RPS6KA2: variants seen among roughly 807,000 people sequenced by gnomAD.
RPS6KA2 encodes ribosomal protein S6 kinase alpha-2.
Under a neutral mutation model 91.8 loss-of-function variants are expected in RPS6KA2, and 42 were observed. The ratio of observed to expected loss-of-function variants is 0.46; its 90% CI spans 0.36 to 0.59. RPS6KA2 has a LOEUF of 0.59. Among genes scored for constraint, RPS6KA2 ranks in the 20% least tolerant of loss-of-function variants. The pLI is 0.00. For synonymous variants in RPS6KA2, 414 were observed against 393.6 expected, an observed-to-expected ratio of 1.05 and a Z score of -0.61; for missense variants, 798 against 978.5, an observed-to-expected ratio of 0.82 and a Z score of 2.46.
chr6:166,436,040 T>C (rs1386831718), intron 14 of RPS6KA2, among the ~76,000 whole-genome samples: 1 of 152,208 alleles, frequency 6.6e-6, no homozygotes, highest in Non-Finnish European at 1.5e-5. Context: ...TGGCTCACTG[T>C]TAAGATTCAA....
intron 1 of RPS6KA2, among the ~76,000 whole-genome samples, chr6:166,568,283 T>C (rs1247376950): frequency 6.6e-6 from 1 of 152,184 alleles, no homozygotes; most frequent in Non-Finnish European, 1.5e-5. Context: ...AGAAAGCCTG[T>C]TCTCAGAGGA....
chr6:166,432,123 A>T (rs1356627005), intron 15 of RPS6KA2, among the ~76,000 whole-genome samples: 1 of 152,066 alleles, frequency 6.6e-6, no homozygotes, highest in East Asian at 1.9e-4. Context: ...CTGCACCCCC[A>T]TGGGCCTCTA....
chr6:166,581,056 C>T (rs1300381255), intron 1 of RPS6KA2, among the ~76,000 whole-genome samples: 3 of 152,164 alleles, frequency 2.0e-5, no homozygotes, highest in Admixed American at 6.5e-5. Flanking sequence ...CACACCACCA[C>T]GCCCAGCTAA....
intron 1 of RPS6KA2, among the ~76,000 whole-genome samples, chr6:166,619,811 G>C (rs955889791): frequency 5.9e-5 from 9 of 152,358 alleles, no homozygotes; most frequent in Admixed American, 4.6e-4. Context: ...TATGATATCT[G>C]ACCTTAGTTC....
intron 2 of RPS6KA2, among the ~76,000 whole-genome samples, chr6:166,823,890 T>C (rs1195872987): frequency 6.6e-6 from 1 of 152,194 alleles, no homozygotes; most frequent in East Asian, 1.9e-4. Context: ...AGAGCTTCTC[T>C]GATACGTGGG....
At chr6:166,564,813 G>A (rs78946047) in intron 1 of RPS6KA2, among the ~76,000 whole-genome samples, 4,973 of 152,226 alleles carry the variant, frequency 0.033, 281 homozygotes, top group African/African-American at 0.11. Flanking sequence ...GTGTCCCTGC[G>A]GCAGCATCAC....
In RPS6KA2 at chr6:166,457,685, T is replaced by C. The variant is rs188941316; in HGVS notation, c.1075+1764A>G. On this transcript the variant is annotated intron_variant, in intron 12 of 20. Coordinates refer to ENST00000265678, the MANE Select transcript of RPS6KA2 (RefSeq NM_021135.6). Reference sequence around the variant, plus strand: ...TACCAATGTGGCCTGGGTCAGGAGCTGGCCTAGGCCCATCAAAAGTCCCGC... The same window carrying C: ...TACCAATGTGGCCTGGGTCAGGAGCCGGCCTAGGCCCATCAAAAGTCCCGC... 1.3e-3 allele frequency among the ~76,000 whole-genome samples: 199 copies of C among 152,288 alleles called. 1 individual carries two copies. The highest frequency in any genetic ancestry group is 4.5e-3 in the African/African-American group (188 of 41,564).
intron 2 of RPS6KA2, among the ~76,000 whole-genome samples, chr6:166,774,410 G>C (rs1778559622): frequency 6.6e-6 from 1 of 152,188 alleles, no homozygotes; most frequent in South Asian, 2.1e-4. Flanking sequence ...TGGTGCTGTG[G>C]CTGGAGTGGT....
At chr6:166,416,690 C>A (rs964239493) in intron 19 of RPS6KA2, among the ~76,000 whole-genome samples, 1 of 151,124 alleles carries the variant, frequency 6.6e-6, no homozygotes, top group Non-Finnish European at 1.5e-5. Context: ...CCCACCATTA[C>A]CTCCACCATC....
intron 2 of RPS6KA2, among the ~76,000 whole-genome samples, chr6:166,657,830 C>T (rs1373046752): frequency 2.6e-5 from 4 of 152,144 alleles, no homozygotes; most frequent in Non-Finnish European, 5.9e-5. Context: ...GCCTGAAGAC[C>T]GAAAACCTGA....
At chr6:166,816,915 G>C (rs777098409) in intron 2 of RPS6KA2, among the ~76,000 whole-genome samples, 1 of 152,090 alleles carries the variant, frequency 6.6e-6, no homozygotes, top group Non-Finnish European at 1.5e-5. Flanking sequence ...CAAATGCTTG[G>C]GTTGAAACAT....
rs556600213 is a variant in RPS6KA2, at chr6:166,533,321, T to A, written c.217-2008A>T. ...TGGAGATCAGGACCAGCCAGGACAG[T>A]GCAGGGAGGAGGCAGGCGCAGCCCA... On this transcript the variant is annotated intron_variant, in intron 2 of 20. Coordinates refer to ENST00000265678, the MANE Select transcript of RPS6KA2 (RefSeq NM_021135.6). This position sits in a 1 kb window ranked among gnomAD's most constrained non-coding sequence, Gnocchi z 4.0. Among the ~76,000 whole-genome samples, 18 of 152,134 alleles carry A rather than the reference T, an allele frequency of 1.2e-4. No homozygotes were observed. The highest frequency in any genetic ancestry group is 2.1e-4 in the Non-Finnish European group (14 of 68,030).
In RPS6KA2 at chr6:166,523,028, C is replaced by T. The variant is rs182876621; in HGVS notation, c.298+8204G>A. Among the ~76,000 whole-genome samples the T allele has an allele frequency of 2.6e-3, 389 of 152,330 alleles. 1 individual carries two copies. The highest frequency in any genetic ancestry group is 9.0e-3 in the African/African-American group (375 of 41,574). On this transcript the variant is annotated intron_variant, in intron 3 of 20. Transcript: ENST00000265678. ...TAAGCCCATTACTCTTAACTACTTACACTGCAGAGGTATTAAAGATGACAA... is the reference window on the plus strand; with the variant it reads ...TAAGCCCATTACTCTTAACTACTTATACTGCAGAGGTATTAAAGATGACAA...
chr6:166,523,857 G>A (rs1327876241), intron 3 of RPS6KA2, among the ~76,000 whole-genome samples: 4 of 152,180 alleles, frequency 2.6e-5, no homozygotes, highest in African/African-American at 4.8e-5. Context: ...GCAGCCAGGC[G>A]GGCTAACTCC....
rs1779896076 is a variant in RPS6KA2, at chr6:166,821,179, A to T, written c.123+37021T>A. The stretch of plus-strand genomic sequence containing the variant: ...ATAAAATTGTATAAATGTAAAACAC[A>T]TCTAGCAAATTTGAAGTGTTATTTC... On this transcript the variant is annotated intron_variant, in intron 2 of 21. Coordinates refer to the RPS6KA2 transcript ENST00000503859. The surrounding 1 kb of genome is among the most constrained non-coding windows in gnomAD (Gnocchi z 4.1). Among the ~76,000 whole-genome samples, 1 of 152,206 alleles carries T rather than the reference A, an allele frequency of 6.6e-6. No homozygotes were observed. Among genetic ancestry groups the T allele is most frequent in the Non-Finnish European group, 1.5e-5 (1 of 68,032 alleles).
chr6:166,679,451 G>A (rs1403878348), intron 2 of RPS6KA2, among the ~76,000 whole-genome samples: 1 of 152,092 alleles, frequency 6.6e-6, no homozygotes, highest in Non-Finnish European at 1.5e-5. Flanking sequence ...GCAACAGAGT[G>A]AGACTCCATC....
chr6:166,423,177 C>T lies in RPS6KA2; in HGVS notation c.1743+79G>A, dbSNP rs1778784097. ...AGCCGCCTCTGACATCCCCGCTGTC[C>T]GGTGGCTCTGCAGTGGGAGGGGGCA... On this transcript the variant is annotated intron_variant, in intron 17 of 20. Transcript: ENST00000265678. The surrounding 1 kb of genome is among the most constrained non-coding windows in gnomAD (Gnocchi z 4.8). 1.2e-5 allele frequency: 17 copies of T among 1,446,144 alleles called. No homozygotes were observed. Among genetic ancestry groups the T allele is most frequent in the Non-Finnish European group, 1.4e-5 (15 of 1,066,476 alleles). The allele number at this position is 1,446,144 out of a possible 1,614,324, so 89.6% of individuals were successfully genotyped here.
intron 1 of RPS6KA2, among the ~76,000 whole-genome samples, chr6:166,602,837 G>A (rs1229002233): frequency 7.2e-5 from 11 of 152,164 alleles, no homozygotes. Context: ...GTGCAAAGGT[G>A]TTTCTTAACA....
At chr6:166,736,332 G>A (rs1790668338) in intron 2 of RPS6KA2, among the ~76,000 whole-genome samples, 1 of 152,168 alleles carries the variant, frequency 6.6e-6, no homozygotes, top group South Asian at 2.1e-4. Context: ...AGAGTCCCGT[G>A]GCATCATTCT....
Sources: gnomAD v4.1 joint callset for allele counts (sites outside exome capture counted in the v4.1 genomes callset) on GRCh38, gnomAD v4.1.1 for gene constraint, Gnocchi (gnomAD v3.1) non-coding constraint, MANE v1.5 for transcripts, NCBI Gene and HGNC (gene_info 2026-07-23, HGNC 2026-07-21) for gene names.